NR6A1: variants seen among roughly 807,000 people sequenced by gnomAD.
The protein encoded by NR6A1 is retinoic acid receptor-related testis-associated receptor.
In NR6A1, 7 loss-of-function variants were observed where a neutral mutation model predicts 59.1. The observed-to-expected ratio is 0.12, with a 90% CI of 0.07 to 0.22. The LOEUF (loss-of-function observed/expected upper bound fraction) is 0.22. Ranked by LOEUF, NR6A1 falls within the 10% of genes least tolerant of loss-of-function variation. The probability of loss-of-function intolerance (pLI) is 1.00; values close to 1 mark genes in which losing one functional copy is unlikely to be tolerated. For synonymous variants in NR6A1, 243 were observed against 236.1 expected (o/e 1.03, Z -0.27); for missense variants, 468 against 611.6 (o/e 0.77, Z 2.48).
chr9:124,684,083 T>A (rs1190817724), intron 2 of NR6A1, among the ~76,000 whole-genome samples: 1 of 152,072 alleles, frequency 6.6e-6, no homozygotes, highest in Non-Finnish European at 1.5e-5. Flanking sequence ...AGTATCGCCA[T>A]ACAAATTTAG....
At chr9:124,767,314 T>C (rs1041197238) in intron 1 of NR6A1, among the ~76,000 whole-genome samples, 1 of 152,152 alleles carries the variant, frequency 6.6e-6, no homozygotes, top group East Asian at 1.9e-4. Context: ...GAAGTCAGAA[T>C]GAATTATAGA....
chr9:124,691,080 A>AC (rs762874705), intron 2 of NR6A1, among the ~76,000 whole-genome samples: 39 of 152,344 alleles, frequency 2.6e-4, no homozygotes, highest in Admixed American at 9.8e-4. Flanking sequence ...ATAAGGCTTG[A>AC]CATCGCTTTA....
At chr9:124,598,666 AAAAC>A in intron 2 of NR6A1, 3 of 405,422 alleles carry the variant, frequency 7.4e-6, no homozygotes, top group Non-Finnish European at 1.3e-5. Flanking sequence ...AAAAAAAAAA[AAAAC>A]AAGGAAGGGA....
chr9:124,647,050 G>C (rs1836949879), intron 2 of NR6A1, among the ~76,000 whole-genome samples: 1 of 152,140 alleles, frequency 6.6e-6, no homozygotes, highest in African/African-American at 2.4e-5. Context: ...CAGTAGCTAG[G>C]ACTACAGGCT....
intron 2 of NR6A1, among the ~76,000 whole-genome samples, chr9:124,564,419 T>C (rs1268990330): frequency 6.6e-6 from 1 of 152,226 alleles, no homozygotes; most frequent in Non-Finnish European, 1.5e-5. Context: ...CATATTTCTA[T>C]ACCATGCACA....
chr9:124,582,103 A>G (rs186164991), intron 2 of NR6A1, among the ~76,000 whole-genome samples: 13 of 152,354 alleles, frequency 8.5e-5, no homozygotes, highest in Admixed American at 3.9e-4. Context: ...AAATCATTCT[A>G]TTATAAAGAC....
At chr9:124,685,455 T>C (rs1328169652) in intron 2 of NR6A1, among the ~76,000 whole-genome samples, 3 of 152,186 alleles carry the variant, frequency 2.0e-5, no homozygotes, top group African/African-American at 7.2e-5. Flanking sequence ...CAGCCTCCTA[T>C]GTAGCTAGAA....
intron 2 of NR6A1, among the ~76,000 whole-genome samples, chr9:124,575,273 G>A (rs1323767680): frequency 6.6e-6 from 1 of 152,132 alleles, no homozygotes; most frequent in African/African-American, 2.4e-5. Flanking sequence ...CAAACTGCCT[G>A]GATTAAAACC....
At chr9:124,648,236 C>T (rs4593661) in intron 2 of NR6A1, among the ~76,000 whole-genome samples, 1,619 of 152,052 alleles carry the variant, frequency 0.011, 27 homozygotes, top group African/African-American at 0.036. Flanking sequence ...ATCCACCACA[C>T]GCCTGTAATC....
intron 2 of NR6A1, among the ~76,000 whole-genome samples, chr9:124,687,647 G>C (rs1382438326): frequency 6.6e-6 from 1 of 152,086 alleles, no homozygotes; most frequent in Non-Finnish European, 1.5e-5. Context: ...AAACACTCTA[G>C]ATTCAGCAGG....
intron 2 of NR6A1, among the ~76,000 whole-genome samples, chr9:124,705,577 C>A (rs1276044937): frequency 6.6e-6 from 1 of 152,178 alleles, no homozygotes; most frequent in African/African-American, 2.4e-5. Context: ...CATTATTGAA[C>A]TGACAGCATA....
rs184498657 is a variant in NR6A1, at chr9:124,727,834, G to A, written c.142+5474C>T. Among the ~76,000 whole-genome samples the A allele has an allele frequency of 2.6e-5, 4 of 151,152 alleles. No homozygotes were observed. The East Asian group carries it at 7.9e-4, about 30-fold the overall frequency. On this transcript the variant is annotated intron_variant, in intron 2 of 9. Transcript: ENST00000487099. Reference sequence around the variant, plus strand: ...CAAGTAACTGAGATTATAGGCATGTGCCACCATGGCCAGTTTATTTTTTGC... The same window carrying A: ...CAAGTAACTGAGATTATAGGCATGTACCACCATGGCCAGTTTATTTTTTGC...
At chr9:124,594,651 ACTTTCT>A (rs1835221141) in intron 2 of NR6A1, among the ~76,000 whole-genome samples, 4 of 152,328 alleles carry the variant, frequency 2.6e-5, no homozygotes, top group Admixed American at 2.6e-4. Context: ...TTTTCTACAA[ACTTTCT>A]CTTGTTTCTG....
chr9:124,686,751 T>A (rs117207255), intron 2 of NR6A1, among the ~76,000 whole-genome samples: 2,305 of 151,594 alleles, frequency 0.015, 29 homozygotes, highest in Middle Eastern at 0.095. Context: ...TTCCCCAGGC[T>A]GGAGTGCAGT....
At chr9:124,673,904 CATT>C (rs1245146055) in intron 2 of NR6A1, among the ~76,000 whole-genome samples, 1 of 152,174 alleles carries the variant, frequency 6.6e-6, no homozygotes, top group Non-Finnish European at 1.5e-5. Context: ...AGATTCACCT[CATT>C]GTTGGAATTT....
chr9:124,566,971 A>G (rs527489324), intron 2 of NR6A1, among the ~76,000 whole-genome samples: 28 of 151,074 alleles, frequency 1.9e-4, no homozygotes, highest in South Asian at 4.2e-4. Flanking sequence ...AGCCGGGCGT[A>G]GTGGCGGGCG....
At chr9:124,622,948 T>C (rs919394887) in intron 2 of NR6A1, among the ~76,000 whole-genome samples, 2 of 152,122 alleles carry the variant, frequency 1.3e-5, no homozygotes, top group Non-Finnish European at 2.9e-5. Context: ...TTGGGGTCCC[T>C]CAGAAGACTC....
chr9:124,632,002 ATTT>A (rs981641743), intron 2 of NR6A1, among the ~76,000 whole-genome samples: 1 of 151,912 alleles, frequency 6.6e-6, no homozygotes, highest in African/African-American at 2.4e-5. Flanking sequence ...ATGATCTTGT[ATTT>A]TTTTCTTATG....
chr9:124,759,126 C>A (rs1049779180), intron 1 of NR6A1, among the ~76,000 whole-genome samples: 1 of 152,154 alleles, frequency 6.6e-6, no homozygotes, highest in South Asian at 2.1e-4. Context: ...TGCCTATCCT[C>A]TTTTACATCT....
Sources: gnomAD v4.1 joint callset for allele counts (sites outside exome capture counted in the v4.1 genomes callset) on GRCh38, gnomAD v4.1.1 for gene constraint, MANE v1.5 for transcripts, NCBI Gene and HGNC (gene_info 2026-07-23, HGNC 2026-07-21) for gene names.